TAFA1: variants seen among roughly 807,000 people sequenced by gnomAD.
The protein encoded by TAFA1 is chemokine-like protein TAFA-1.
In TAFA1, 4 loss-of-function variants were observed where a neutral mutation model predicts 18.5. That is an observed-to-expected ratio of 0.22 (90% CI 0.11 to 0.49). The LOEUF is 0.49. Ranked by LOEUF, TAFA1 falls within the 20% of genes least tolerant of loss-of-function variation. TAFA1 has a pLI of 0.98. For synonymous variants in TAFA1, 56 were observed against 55.2 expected, an observed-to-expected ratio of 1.01 and a Z score of -0.06; for missense variants, 147 against 169.0, an observed-to-expected ratio of 0.87 and a Z score of 0.72.
chr3:68,268,971 C>T (rs2067604940), intron 2 of TAFA1, among the ~76,000 whole-genome samples: 1 of 152,124 alleles, frequency 6.6e-6, no homozygotes, highest in Non-Finnish European at 1.5e-5. Flanking sequence ...TTTCTTCCTT[C>T]ATTTCCTTAC....
chr3:68,183,263 C>A (rs993484358), intron 2 of TAFA1, among the ~76,000 whole-genome samples: 2 of 152,118 alleles, frequency 1.3e-5, no homozygotes, highest in Non-Finnish European at 2.9e-5. Context: ...GTTAATGATT[C>A]TTAATTGGAC....
chr3:68,481,601 CTCTT>C (rs1172908775), intron 3 of TAFA1, among the ~76,000 whole-genome samples: 4 of 152,198 alleles, frequency 2.6e-5, no homozygotes, highest in Non-Finnish European at 5.9e-5. Context: ...ATTACTGAAA[CTCTT>C]TCTTTATCTC....
intron 2 of TAFA1, among the ~76,000 whole-genome samples, chr3:68,147,890 A>G (rs375758227): frequency 2.6e-5 from 4 of 152,380 alleles, no homozygotes; most frequent in African/African-American, 7.2e-5. Context: ...CACTTGGTAA[A>G]ATGATGTGCC....
chr3:68,028,181 T>G (rs1029378201), intron 2 of TAFA1, among the ~76,000 whole-genome samples: 3 of 152,048 alleles, frequency 2.0e-5, no homozygotes, highest in African/African-American at 7.3e-5. Context: ...ATGCCTGTAA[T>G]CCCAGCTACC....
intron 2 of TAFA1, among the ~76,000 whole-genome samples, chr3:68,253,420 C>A (rs142509872): frequency 1.9e-3 from 290 of 152,286 alleles, no homozygotes; most frequent in Non-Finnish European, 2.1e-3. Context: ...TTAAGTAAGG[C>A]CTACTTCAAA....
At chr3:68,103,615 GT>G (rs1364444077) in intron 2 of TAFA1, among the ~76,000 whole-genome samples, 1 of 152,118 alleles carries the variant, frequency 6.6e-6, no homozygotes, top group African/African-American at 2.4e-5. Context: ...GTCTGGAAGA[GT>G]ATCAGAATTC....
At chr3:68,327,668 T>A (rs1352465115) in intron 2 of TAFA1, among the ~76,000 whole-genome samples, 3 of 152,290 alleles carry the variant, frequency 2.0e-5, no homozygotes, top group East Asian at 3.9e-4. Flanking sequence ...ACAAAGTGAG[T>A]ACTCAACAAA....
At chr3:68,031,482 G>A (rs972869547) in intron 2 of TAFA1, among the ~76,000 whole-genome samples, 1 of 152,166 alleles carries the variant, frequency 6.6e-6, no homozygotes, top group African/African-American at 2.4e-5. Context: ...AAGGCAAGAA[G>A]TATGTGCTGA....
chr3:68,437,979 C>T (rs1007071122), intron 3 of TAFA1, among the ~76,000 whole-genome samples: 1 of 152,044 alleles, frequency 6.6e-6, no homozygotes, highest in African/African-American at 2.4e-5. Context: ...GTACACATTC[C>T]CATTCCAAAA....
chr3:68,043,584 T>C (rs1019338519), intron 2 of TAFA1, among the ~76,000 whole-genome samples: 4 of 152,228 alleles, frequency 2.6e-5, no homozygotes, highest in Admixed American at 6.5e-5. Context: ...TATGAGTTCT[T>C]TTTCTCTGGC....
chr3:68,049,016 T>C (rs1354982688), intron 2 of TAFA1, among the ~76,000 whole-genome samples: 1 of 152,190 alleles, frequency 6.6e-6, no homozygotes, highest in Non-Finnish European at 1.5e-5. Context: ...GTTCTATTTT[T>C]AGTTTTTTGT....
chr3:68,453,630 G>A, intron 3 of TAFA1, among the ~76,000 whole-genome samples: 1 of 152,258 alleles, frequency 6.6e-6, no homozygotes, highest in East Asian at 1.9e-4. Context: ...AGGCCATTTG[G>A]CAATGGGCAA....
intron 2 of TAFA1, among the ~76,000 whole-genome samples, chr3:68,241,738 A>G (rs2067003414): frequency 6.6e-6 from 1 of 152,150 alleles, no homozygotes; most frequent in South Asian, 2.1e-4. Context: ...GGGCAGAGGA[A>G]AGGATGTGTG....
chr3:68,388,093 A>G (rs962135109), intron 2 of TAFA1, among the ~76,000 whole-genome samples: 4 of 152,188 alleles, frequency 2.6e-5, no homozygotes, highest in African/African-American at 9.6e-5. Context: ...TGTCATTTTT[A>G]GAAACCACGT....
At chr3:68,495,422 A>G (rs2072528160) in intron 3 of TAFA1, among the ~76,000 whole-genome samples, 2 of 152,194 alleles carry the variant, frequency 1.3e-5, no homozygotes, top group Non-Finnish European at 2.9e-5. Context: ...TTAAGTTGTC[A>G]TTTTACTTAA....
At chr3:68,212,156 A>G (rs1338705954) in intron 2 of TAFA1, among the ~76,000 whole-genome samples, 1 of 151,848 alleles carries the variant, frequency 6.6e-6, no homozygotes, top group African/African-American at 2.4e-5. Context: ...ATGAGCCTGT[A>G]ATATGAAGAC....
intron 2 of TAFA1, among the ~76,000 whole-genome samples, chr3:68,271,644 G>A (rs941093103): frequency 6.6e-6 from 1 of 152,088 alleles, no homozygotes; most frequent in Non-Finnish European, 1.5e-5. Context: ...GTTTTCTGAT[G>A]TTTGTCACAA....
intron 2 of TAFA1, among the ~76,000 whole-genome samples, chr3:68,400,975 A>C (rs1367681225): frequency 6.6e-6 from 1 of 152,194 alleles, no homozygotes; most frequent in African/African-American, 2.4e-5. Context: ...CCATATAGAA[A>C]AAGGAGAGAA....
chr3:68,009,597 A>C (rs1704430794), intron 2 of TAFA1, among the ~76,000 whole-genome samples: 1 of 152,210 alleles, frequency 6.6e-6, no homozygotes, highest in African/African-American at 2.4e-5. Context: ...TCCTAGATGC[A>C]GAATGATTAA....
Sources: allele counts gnomAD v4.1 joint callset (sites outside exome capture counted in the v4.1 genomes callset), GRCh38; gene constraint gnomAD v4.1.1; transcripts MANE v1.5; gene names NCBI Gene and HGNC (gene_info 2026-07-23, HGNC 2026-07-21).